NOTCH2: variants seen among roughly 807,000 people sequenced by gnomAD.
NOTCH2 encodes the protein neurogenic locus notch homolog protein 2.
Under a neutral mutation model 235.8 loss-of-function variants are expected in NOTCH2, and 29 were observed. The ratio of observed to expected loss-of-function variants is 0.12; its 90% CI spans 0.09 to 0.17. The LOEUF (loss-of-function observed/expected upper bound fraction) is 0.17, where lower values mean the gene tolerates loss of function less well. Ranked by LOEUF, NOTCH2 falls within the 10% of genes least tolerant of loss-of-function variation. The pLI, the probability that NOTCH2 is intolerant of heterozygous loss-of-function variation, is 1.00. For synonymous variants in NOTCH2, 1,086 were observed against 1,141.5 expected (o/e 0.95, Z 0.98); for missense variants, 2,285 against 3,150.2 (o/e 0.73, Z 6.57).
intron 11 of NOTCH2, 77 bp from the exon 12 acceptor site, chr1:119,959,579 C>T (rs587653703): frequency 6.7e-5 from 56 of 830,280 alleles, no homozygotes; most frequent in South Asian, 9.5e-5. Flanking sequence ...GATGCAGCAA[C>T]GTGGTAAGAA....
At chr1:119,984,010 A>G (rs1345080913) in intron 5 of NOTCH2, among the ~76,000 whole-genome samples, 1 of 152,306 alleles carries the variant, frequency 6.6e-6, no homozygotes, top group East Asian at 1.9e-4. Flanking sequence ...AGCCAGACCA[A>G]ATAGTTAATG....
At position 119,996,964 on chromosome 1, in the gene NOTCH2, C is replaced by A. The variant is rs1553204272; in HGVS notation, c.751+33G>T. 3 of 1,603,480 alleles carry A rather than the reference C, an allele frequency of 1.9e-6. No individual in the cohort carries two copies. The East Asian group carries it at 6.7e-5, about 36-fold the overall frequency. Reference sequence around the variant, plus strand: ...ACTACCTCCTGTGCTAGGGGTTTGTCCCCTAATCCTGGGACACTAGGGAGC... The same window carrying A: ...ACTACCTCCTGTGCTAGGGGTTTGTACCCTAATCCTGGGACACTAGGGAGC... On this transcript the variant is annotated intron_variant, in intron 4 of 33. Transcript: ENST00000256646.
chr1:120,001,187 T>C (rs587709159), intron 3 of NOTCH2, among the ~76,000 whole-genome samples: 50 of 152,244 alleles, frequency 3.3e-4, no homozygotes, highest in Admixed American at 5.2e-4. Flanking sequence ...CTCTTTTCTT[T>C]CCGGTCTCGG....
At chr1:120,011,712 G>A (rs1468603094) in intron 2 of NOTCH2, among the ~76,000 whole-genome samples, 1 of 152,030 alleles carries the variant, frequency 6.6e-6, no homozygotes, top group East Asian at 1.9e-4. Flanking sequence ...TCGAAGCTTA[G>A]AAAGATTAAG....
In NOTCH2 at chr1:119,968,059, A is replaced by T; in HGVS notation, c.1264+18T>A. The T allele has an allele frequency of 6.2e-7, 1 of 1,613,940 alleles. No individual in the cohort carries two copies. Among genetic ancestry groups the T allele is most frequent in the Non-Finnish European group, 8.5e-7 (1 of 1,179,848 alleles). ...TCAACAGACACTTCACAGAACAGAA[A>T]AAGTTCTGCTTACTCACCCATGGCA... On this transcript the variant is annotated intron_variant, in intron 7 of 33. Transcript: ENST00000256646.
intron 27 of NOTCH2, 28 bp from the exon 28 acceptor site, chr1:119,922,474 G>A (rs1340076421): frequency 6.2e-7 from 1 of 1,600,878 alleles, no homozygotes; most frequent in African/African-American, 1.3e-5. Flanking sequence ...CAGGGAAAGT[G>A]CTGAATAAAA....
intron 24 of NOTCH2, 138 bp downstream of exon 24, chr1:119,926,361 G>A: frequency 3.9e-6 from 3 of 763,324 alleles, no homozygotes; most frequent in Non-Finnish European, 7.0e-6. Flanking sequence ...AAAAACCCAA[G>A]CACTTTCCTC....
At chr1:119,975,720 G>A (rs1226142980) in intron 5 of NOTCH2, among the ~76,000 whole-genome samples, 3 of 151,996 alleles carry the variant, frequency 2.0e-5, no homozygotes, top group Non-Finnish European at 4.4e-5. Context: ...AGAGGTCTGT[G>A]CTGAAATAGA....
At chr1:120,003,116 A>T (rs1210109115) in intron 3 of NOTCH2, among the ~76,000 whole-genome samples, 6 of 152,122 alleles carry the variant, frequency 3.9e-5, no homozygotes, top group Non-Finnish European at 2.9e-5. Context: ...CTGGATGGAC[A>T]CCATTTGATC....
chr1:119,921,684 C>T (rs758983346), intron 29 of NOTCH2, 29 bp downstream of exon 29: 2 of 1,575,478 alleles, frequency 1.3e-6, no homozygotes, highest in Admixed American at 1.7e-5. Flanking sequence ...TAATGGCTGA[C>T]AATGGTGGTT....
chr1:119,959,502 C>T lies in NOTCH2; in HGVS notation c.1916G>A (p.Gly639Glu). 1 of 1,544,426 alleles carries T rather than the reference C, an allele frequency of 6.5e-7. No individual in the cohort carries two copies. ...ATCAAAATTAATTTCACAATTAACCCCTGGAAGAGAAAACCCAACGGAAAC... is the reference window on the plus strand; with the variant it reads ...ATCAAAATTAATTTCACAATTAACCTCTGGAAGAGAAAACCCAACGGAAAC... ...YQCNCQPGTS[G>E]VNCEINFDDC... is the part of the protein sequence containing the mutation. The change falls in exon 12 of 34, where the codon GGG (glycine) becomes GAG (glutamate). Residue 639 changes from glycine (G) to glutamate (E), a missense_variant and splice_region_variant. Around this residue, in one of 6 missense-constraint regions of NOTCH2, gnomAD observed 431 missense variants for 757.8 expected, o/e 0.57. Coordinates refer to ENST00000256646, the MANE Select transcript of NOTCH2 (RefSeq NM_024408.4).
chr1:120,035,659 GCCA>G (rs1654282976), intron 1 of NOTCH2, among the ~76,000 whole-genome samples: 1 of 116,116 alleles, frequency 8.6e-6, no homozygotes, highest in African/African-American at 3.5e-5. Context: ...TCCTCACAGG[GCCA>G]CCACCCCCTA....
intron 29 of NOTCH2, 84 bp from the exon 30 acceptor site, chr1:119,920,481 G>A (rs754043464): frequency 1.4e-5 from 19 of 1,404,428 alleles, no homozygotes; most frequent in African/African-American, 7.1e-5. Context: ...CTCCACCACC[G>A]CTGCTTATCT....
intron 2 of NOTCH2, among the ~76,000 whole-genome samples, chr1:120,028,348 C>T (rs1397281006): frequency 1.4e-4 from 20 of 143,750 alleles, no homozygotes; most frequent in Non-Finnish European, 6.1e-5. Context: ...CACAAAAAGA[C>T]TAAACAAGAT....
At chr1:119,967,705 T>TA in intron 7 of NOTCH2, 84 bp from the exon 8 acceptor site, 19 of 1,165,834 alleles carry the variant, frequency 1.6e-5, no homozygotes, top group Non-Finnish European at 2.5e-5. Context: ...CTGATGGTTA[T>TA]AGCATCAGGG....
chr1:119,987,659 T>C (rs1247372352), intron 4 of NOTCH2, among the ~76,000 whole-genome samples: 1 of 152,154 alleles, frequency 6.6e-6, no homozygotes, highest in Non-Finnish European at 1.5e-5. Flanking sequence ...CTGCATCAAC[T>C]TCCTCACCTG....
At chr1:119,967,264 G>C (rs1159504172) in intron 8 of NOTCH2, among the ~76,000 whole-genome samples, 169 bp downstream of exon 8, 3 of 152,098 alleles carry the variant, frequency 2.0e-5, no homozygotes, top group Non-Finnish European at 4.4e-5. Context: ...TACTCTTTGA[G>C]TAAGGAAGGT....
intron 11 of NOTCH2, among the ~76,000 whole-genome samples, chr1:119,962,114 CAT>C (rs782307558): frequency 2.4e-4 from 37 of 152,296 alleles, no homozygotes; most frequent in Admixed American, 7.2e-4. Flanking sequence ...ACAGATCACT[CAT>C]ATTGACTTCT....
intron 23 of NOTCH2, among the ~76,000 whole-genome samples, chr1:119,928,142 T>C (rs1228120821): frequency 1.3e-5 from 2 of 152,202 alleles, no homozygotes; most frequent in African/African-American, 2.4e-5. Flanking sequence ...AAAGTCACCA[T>C]GCTGCCCTCT....
Sources: gnomAD v4.1 joint callset for allele counts (sites outside exome capture counted in the v4.1 genomes callset) on GRCh38, gnomAD v4.1.1 for gene constraint, gnomAD v4.1.1 regional missense constraint, MANE v1.5 for transcripts, NCBI Gene and HGNC (gene_info 2026-07-23, HGNC 2026-07-21) for gene names.